Variants in TMTC4 observed in about 807,000 individuals in gnomAD.
TMTC4 encodes the protein protein O-mannosyl-transferase TMTC4.
Under a neutral mutation model 86.0 loss-of-function variants are expected in TMTC4, and 65 were observed. That is an observed-to-expected ratio of 0.76 (90% confidence interval 0.62 to 0.93). The LOEUF is 0.93. TMTC4 is among the 40% of genes least tolerant of loss of function. TMTC4 has a pLI of 0.00. For missense variants in TMTC4, 866 were observed against 948.1 expected, an observed-to-expected ratio of 0.91 and a Z score of 1.14; for synonymous variants, 379 against 382.5, an observed-to-expected ratio of 0.99 and a Z score of 0.11.
rs1299313951 is a variant in TMTC4, at chr13:100,634,889, C to T, written c.1422G>A (p.Leu474=). 2 of 1,614,224 alleles carry T rather than the reference C, an allele frequency of 1.2e-6. No individual in the cohort carries two copies. Among genetic ancestry groups the T allele is most frequent in the South Asian group, 1.1e-5 (1 of 91,082 alleles). ...VVLGILFINT[L]RCVLRSGEWR... ...ACTCGCCGCTGCGCAGCACACATCT[C>T]AGCGTGTTGATGAATAAGATTCCCA... The change falls in exon 12 of 19, where the codon CTG becomes CTA. Residue 474 remains leucine, a synonymous_variant. Transcript: ENST00000342624.
At chr13:100,656,569 G>T (rs377693288) in intron 5 of TMTC4, 101 bp from the exon 6 acceptor site, 8 of 521,416 alleles carry the variant, frequency 1.5e-5, no homozygotes, top group African/African-American at 5.4e-5. Flanking sequence ...TTGCGACAGG[G>T]TCTCACTCTG....
At chr13:100,671,079 G>A (rs1242306029) in intron 1 of TMTC4, among the ~76,000 whole-genome samples, 1 of 152,236 alleles carries the variant, frequency 6.6e-6, no homozygotes, top group Non-Finnish European at 1.5e-5. Flanking sequence ...AATTTTAAAT[G>A]CACAATAGAG....
At chr13:100,673,982 T>C in intron 1 of TMTC4, 1 of 974,550 alleles carries the variant, frequency 1.0e-6, no homozygotes. Flanking sequence ...GGCTAGATCG[T>C]TCCTCTAACT....
At chr13:100,649,350 T>C (rs1057104232) in intron 6 of TMTC4, among the ~76,000 whole-genome samples, 1 of 152,216 alleles carries the variant, frequency 6.6e-6, no homozygotes, top group African/African-American at 2.4e-5. Context: ...AAGCCTTAGT[T>C]TGTGAAGGTG....
In TMTC4 at chr13:100,626,551, C is replaced by T. The variant is rs368770053; in HGVS notation, c.1507-401G>A. 1.2e-4 allele frequency among the ~76,000 whole-genome samples: 19 copies of T among 152,262 alleles called. 1 individual carries two copies. The highest frequency in any genetic ancestry group is 4.1e-4 in the African/African-American group (17 of 41,540). ...TCATAGCGTGCTGCAGCCTTGAACC[C>T]CTGGGATTCAGTGATTCTCTTGCCT... On this transcript the variant is annotated intron_variant, in intron 12 of 18. Transcript: ENST00000342624.
Position 100,636,606 on chromosome 13 carries a change from T to C in TMTC4, c.1128A>G (p.Ala376=). The C allele has an allele frequency of 6.2e-7, 1 of 1,614,210 alleles. No individual in the cohort carries two copies. The highest frequency in any genetic ancestry group is 8.5e-7 in the Non-Finnish European group (1 of 1,180,026). ...IKSISDWRVI[A]LAALWFCLIG... ...TTAGGCAGAACCAGAGTGCTGCAAG[T>C]GCAATTACCCTCCAGTCGCTGATGG... Residue 376 remains alanine, a synonymous_variant, in exon 10 of 19, where the codon GCA becomes GCG. Coordinates refer to ENST00000342624, the MANE Select transcript of TMTC4 (RefSeq NM_032813.5).
At chr13:100,668,385 A>G (rs1886653419) in intron 3 of TMTC4, 194 bp downstream of exon 3, 1 of 608,176 alleles carries the variant, frequency 1.6e-6, no homozygotes. Flanking sequence ...GGGGTTCAGA[A>G]CCTTGGTGCC....
intron 12 of TMTC4, among the ~76,000 whole-genome samples, chr13:100,629,825 A>G (rs1375901031): frequency 1.3e-5 from 2 of 152,042 alleles, no homozygotes; most frequent in Non-Finnish European, 2.9e-5. Flanking sequence ...GTCCTTACAG[A>G]AAGAGGAAAT....
At chr13:100,657,590 G>T (rs1765731) in intron 5 of TMTC4, among the ~76,000 whole-genome samples, 152,127 of 152,316 alleles carry the variant, frequency 1, 75,969 homozygotes, top group Non-Finnish European at 1. Flanking sequence ...GGTGGGATTC[G>T]TTACTAACTG....
intron 6 of TMTC4, among the ~76,000 whole-genome samples, chr13:100,652,457 C>A (rs898024236): frequency 2.6e-5 from 4 of 152,062 alleles, no homozygotes; most frequent in Non-Finnish European, 5.9e-5. Flanking sequence ...CCAGCCTGGG[C>A]AACAGAGCAA....
At chr13:100,659,272 A>T (rs570666349) in intron 5 of TMTC4, among the ~76,000 whole-genome samples, 1 of 152,198 alleles carries the variant, frequency 6.6e-6, no homozygotes, top group Admixed American at 6.5e-5. Flanking sequence ...ATTTTGTTTA[A>T]TTTTTTACTT....
At chr13:100,652,554 T>C (rs1344822671) in intron 6 of TMTC4, among the ~76,000 whole-genome samples, 1 of 152,108 alleles carries the variant, frequency 6.6e-6, no homozygotes, top group Non-Finnish European at 1.5e-5. Context: ...TTGATCCAAA[T>C]GAAAATATAT....
chr13:100,637,420 C>A, intron 9 of TMTC4, 118 bp downstream of exon 9: 1 of 1,310,448 alleles, frequency 7.6e-7, no homozygotes, highest in Non-Finnish European at 1.0e-6. Flanking sequence ...ATGGAGGTGG[C>A]GCGTGTATTG....
At chr13:100,656,895 C>T (rs1885185835) in intron 5 of TMTC4, among the ~76,000 whole-genome samples, 1 of 152,052 alleles carries the variant, frequency 6.6e-6, no homozygotes, top group South Asian at 2.1e-4. Flanking sequence ...GACTCTGCCA[C>T]CTATTAAAAT....
chr13:100,669,355 G>C (rs1411833188), intron 2 of TMTC4, among the ~76,000 whole-genome samples: 3 of 152,072 alleles, frequency 2.0e-5, no homozygotes, highest in Admixed American at 1.3e-4. Flanking sequence ...CCTAAGGCGG[G>C]GCACAGGATC....
chr13:100,617,732 C>T (rs140264224), intron 15 of TMTC4, among the ~76,000 whole-genome samples: 18 of 152,342 alleles, frequency 1.2e-4, no homozygotes, highest in African/African-American at 4.3e-4. Flanking sequence ...GTTTTGGTTA[C>T]TGTGGCCTTA....
At chr13:100,618,414 A>G (rs1323357196) in intron 15 of TMTC4, among the ~76,000 whole-genome samples, 1 of 134,232 alleles carries the variant, frequency 7.4e-6, no homozygotes, top group Non-Finnish European at 1.6e-5. Context: ...GCCTGGTTCC[A>G]TTTCTCAAGG....
At chr13:100,657,203 T>A (rs913536879) in intron 5 of TMTC4, among the ~76,000 whole-genome samples, 1 of 152,182 alleles carries the variant, frequency 6.6e-6, no homozygotes, top group Non-Finnish European at 1.5e-5. Flanking sequence ...TAAAATGTGA[T>A]TGGAAACATG....
intron 6 of TMTC4, among the ~76,000 whole-genome samples, chr13:100,653,757 C>T (rs535161908): frequency 6.6e-6 from 1 of 152,256 alleles, no homozygotes. Context: ...TGTTTTAAAC[C>T]CTCCGCTTTA....
Sources: allele counts gnomAD v4.1 joint callset (sites outside exome capture counted in the v4.1 genomes callset), GRCh38; gene constraint gnomAD v4.1.1; transcripts MANE v1.5; gene names NCBI Gene and HGNC (gene_info 2026-07-23, HGNC 2026-07-21).